Variants in DCC observed in about 807,000 individuals in gnomAD.
DCC encodes the protein netrin receptor DCC.
A neutral mutation model predicts 172.5 loss-of-function variants in DCC; 58 were observed. That is an observed-to-expected ratio of 0.34 (90% CI 0.27 to 0.42). The LOEUF (loss-of-function observed/expected upper bound fraction) is 0.42, where lower values mean the gene tolerates loss of function less well. Among genes scored for constraint, DCC ranks in the 10% least tolerant of loss-of-function variants. DCC has a pLI of 1.00. For missense variants in DCC, 1,740 were observed against 1,791.0 expected (o/e 0.97, Z 0.51); for synonymous variants, 709 against 644.5 (o/e 1.10, Z -1.52).
At chr18:53,248,803 T>A (rs1246211836) in intron 12 of DCC, among the ~76,000 whole-genome samples, 1 of 152,096 alleles carries the variant, frequency 6.6e-6, no homozygotes, top group Non-Finnish European at 1.5e-5. Flanking sequence ...ATTCCCTTAT[T>A]ATCCCCCAAG....
intron 1 of DCC, among the ~76,000 whole-genome samples, chr18:52,737,258 G>T (rs1035579513): frequency 1.3e-5 from 2 of 151,916 alleles, no homozygotes; most frequent in Non-Finnish European, 2.9e-5. Context: ...GTAAATAGTG[G>T]TTAAACAACT....
chr18:53,450,370 G>A (rs112547361), intron 22 of DCC, 130 bp from the exon 23 acceptor site: 78 of 918,292 alleles, frequency 8.5e-5, no homozygotes, highest in South Asian at 5.5e-4. Flanking sequence ...TGCTTCCCTC[G>A]AACTCCCATC....
rs116835793 is a variant in DCC at position 53,477,588 on chromosome 18, T to C, written c.3737-9209T>C. On this transcript the variant is annotated intron_variant, in intron 25 of 28. Coordinates refer to ENST00000442544, the MANE Select transcript of DCC (RefSeq NM_005215.4). The stretch of plus-strand genomic sequence containing the variant: ...TTGAGGAATCATTATTCCTATAAGA[T>C]TGTTATTTTCTTTCTTCCTTGACAT... 7.7e-3 allele frequency among the ~76,000 whole-genome samples: 1,167 copies of C among 152,302 alleles called. 14 individuals are homozygous for C. Among genetic ancestry groups the C allele is most frequent in the African/African-American group, 0.027 (1,122 of 41,558 alleles).
intron 1 of DCC, among the ~76,000 whole-genome samples, chr18:52,533,540 A>G (rs191255475): frequency 1.1e-3 from 174 of 152,210 alleles, no homozygotes; most frequent in African/African-American, 4.1e-3. Flanking sequence ...ATAATTTCCC[A>G]GAGACCATCC....
intron 5 of DCC, among the ~76,000 whole-genome samples, chr18:52,927,024 T>TTG (rs1483829241): frequency 3.4e-5 from 4 of 116,558 alleles, no homozygotes; most frequent in African/African-American, 1.2e-4. Context: ...AAAGAAAAAA[T>TTG]GCCAGTATGA....
Position 53,486,848 on chromosome 18 carries a change from G to A in DCC, c.3788G>A (p.Gly1263Glu). Residue 1263 changes from glycine to glutamate, a missense_variant, in exon 26 of 29, where the codon GGA becomes GAA. Physicochemically the swap from Gly to Glu is moderately conservative, Grantham distance 98 (BLOSUM62 -2). Around this residue, in one of 2 missense-constraint regions of DCC, gnomAD observed 1,732 missense variants for 1,767.4 expected, o/e 0.98. Transcript: ENST00000442544. The stretch of plus-strand genomic sequence containing the variant: ...ACGCTAGAAAGTGCCCAGTACCCAG[G>A]AATCCTCCCGTCTCCCACCTGTGGA... ...VPTLESAQYPGILPSPTCGYP... is the reference protein window; with the variant it reads ...VPTLESAQYPEILPSPTCGYP... 6.2e-7 allele frequency: 1 copy of A among 1,614,076 alleles called. No homozygotes were observed. The highest frequency in any genetic ancestry group is 8.5e-7 in the Non-Finnish European group (1 of 1,180,026).
At chr18:52,365,204 G>A (rs1984792984) in intron 1 of DCC, among the ~76,000 whole-genome samples, 1 of 152,186 alleles carries the variant, frequency 6.6e-6, no homozygotes, top group South Asian at 2.1e-4. Flanking sequence ...TTTGGAAGAA[G>A]AGTGCTTTGC....
rs2046534845 is a variant in DCC at position 53,532,581 on chromosome 18, G to A, written c.*1928G>A. The A allele has an allele frequency of 1.3e-5, 2 of 152,038 alleles. No homozygotes were observed. The highest frequency in any genetic ancestry group is 1.3e-4 in the Admixed American group (2 of 15,262). The allele number at this position is 152,038 out of a possible 1,614,324, so 9.4% of individuals were successfully genotyped here. A position where few individuals can be genotyped will look rare whatever the true frequency, so the allele number is the denominator to read the frequency against. On this transcript the variant is annotated 3_prime_UTR_variant, in exon 29 of 29. Coordinates refer to ENST00000442544, the MANE Select transcript of DCC (RefSeq NM_005215.4). ...ATAAAGTGTTTCCTAACATAATATT[G>A]AATTATTCAGAAATAATCCATTACT...
At chr18:52,782,140 G>A (rs1219654374) in intron 2 of DCC, among the ~76,000 whole-genome samples, 1 of 152,158 alleles carries the variant, frequency 6.6e-6, no homozygotes, top group Non-Finnish European at 1.5e-5. Context: ...GCACAAAGGT[G>A]CTTCCTAAAC....
chr18:53,309,946 A>ACG (rs1568046606), intron 13 of DCC, among the ~76,000 whole-genome samples: 6 of 138,236 alleles, frequency 4.3e-5, no homozygotes, highest in South Asian at 2.4e-4. Flanking sequence ...ATATATATAC[A>ACG]TGTATATATA....
intron 5 of DCC, among the ~76,000 whole-genome samples, chr18:52,928,278 G>A (rs763514986): frequency 6.6e-6 from 1 of 151,996 alleles, no homozygotes; most frequent in Non-Finnish European, 1.5e-5. Flanking sequence ...TGGGACACTG[G>A]GGCCTACTGA....
intron 1 of DCC, among the ~76,000 whole-genome samples, chr18:52,653,179 T>C (rs557708278): frequency 6.6e-6 from 1 of 152,282 alleles, no homozygotes; most frequent in South Asian, 2.1e-4. Flanking sequence ...TAAAGGCATA[T>C]TGTATCACAG....
intron 22 of DCC, among the ~76,000 whole-genome samples, chr18:53,449,997 A>G (rs1455550600): frequency 6.6e-6 from 1 of 152,084 alleles, no homozygotes; most frequent in Non-Finnish European, 1.5e-5. Flanking sequence ...AGAATCATAT[A>G]ATATATGTCC....
intron 1 of DCC, among the ~76,000 whole-genome samples, chr18:52,617,696 C>A (rs1472565861): frequency 1.3e-5 from 2 of 151,914 alleles, no homozygotes; most frequent in East Asian, 1.9e-4. Flanking sequence ...TCTTACCGTT[C>A]TCTTACTTTT....
intron 1 of DCC, among the ~76,000 whole-genome samples, chr18:52,352,049 T>A (rs1984147327): frequency 6.6e-6 from 1 of 152,154 alleles, no homozygotes; most frequent in African/African-American, 2.4e-5. Flanking sequence ...ATTGAGATCC[T>A]TAAACCACTG....
intron 8 of DCC, among the ~76,000 whole-genome samples, chr18:53,166,113 G>A (rs950821805): frequency 1.3e-5 from 2 of 152,074 alleles, no homozygotes; most frequent in African/African-American, 2.4e-5. Flanking sequence ...GATATTTAGG[G>A]GGCAAAACTG....
chr18:53,507,871 A>G (rs927677129), intron 27 of DCC, among the ~76,000 whole-genome samples: 2 of 151,258 alleles, frequency 1.3e-5, no homozygotes, highest in African/African-American at 4.9e-5. Context: ...CACCTGAGTA[A>G]GAATTTTCTA....
chr18:52,709,125 G>C (rs9952091), intron 1 of DCC, among the ~76,000 whole-genome samples: 32,994 of 152,054 alleles, frequency 0.22, 4,379 homozygotes, highest in South Asian at 0.38. Context: ...CACCTGGATT[G>C]CAAGATACCT....
chr18:52,431,881 C>T (rs1598813406), intron 1 of DCC, among the ~76,000 whole-genome samples: 2 of 152,132 alleles, frequency 1.3e-5, no homozygotes, highest in Admixed American at 6.6e-5. Context: ...CTTTCAGGCC[C>T]TCCATCCATC....
Sources: allele counts gnomAD v4.1 joint callset (sites outside exome capture counted in the v4.1 genomes callset), GRCh38; gene constraint gnomAD v4.1.1; regional missense constraint gnomAD v4.1.1; transcripts MANE v1.5; gene names NCBI Gene and HGNC (gene_info 2026-07-23, HGNC 2026-07-21).